JAKMIP3: variants seen among roughly 807,000 people sequenced by gnomAD.
The protein encoded by JAKMIP3 is Janus kinase and microtubule interacting protein 3.
A neutral mutation model predicts 118.5 loss-of-function variants in JAKMIP3; 58 were observed. That is an observed-to-expected ratio of 0.49 (90% CI 0.40 to 0.61). The LOEUF (loss-of-function observed/expected upper bound fraction) is 0.61. JAKMIP3 is among the 20% of genes least tolerant of loss of function. The probability of loss-of-function intolerance (pLI) is 0.00; values close to 1 mark genes in which losing one functional copy is unlikely to be tolerated. For missense variants in JAKMIP3, 950 were observed against 1,109.0 expected, an observed-to-expected ratio of 0.86 and a Z score of 2.04; for synonymous variants, 486 against 451.2, an observed-to-expected ratio of 1.08 and a Z score of -0.98.
At chr10:132,107,224 A>G (rs1290479678) in intron 2 of JAKMIP3, among the ~76,000 whole-genome samples, 1 of 152,164 alleles carries the variant, frequency 6.6e-6, no homozygotes, top group Non-Finnish European at 1.5e-5. Context: ...AAAACACCAC[A>G]TGTGGACATC....
intron 22 of JAKMIP3, 140 bp from the exon 23 acceptor site, chr10:132,167,807 ACCCCTC>A: frequency 2.5e-6 from 1 of 404,462 alleles, no homozygotes; most frequent in African/African-American, 2.7e-5. Flanking sequence ...TTCGGTCCTC[ACCCCTC>A]ACCCCTCGGC....
intron 1 of JAKMIP3, among the ~76,000 whole-genome samples, chr10:132,094,073 G>C (rs981680494): frequency 6.6e-6 from 1 of 151,844 alleles, no homozygotes; most frequent in Admixed American, 6.6e-5. Flanking sequence ...AAGTTGCTGG[G>C]ACTACAGGCT....
At position 132,044,679 on chromosome 10, in the gene JAKMIP3, G is replaced by T. The variant is rs1293667091; in HGVS notation, c.-138+7941G>T. On this transcript the variant is annotated intron_variant, in intron 1 of 23. Transcript: ENST00000657785. The surrounding 1 kb of genome is among the most constrained non-coding windows in gnomAD (Gnocchi z 5.3). ...GATGGAGGTTTTGTTTTAAATTGTG[G>T]CGAAATACACATACAAGTCACCATC... Among the ~76,000 whole-genome samples the T allele has an allele frequency of 6.6e-6, 1 of 152,042 alleles. No homozygotes were observed. Among genetic ancestry groups the T allele is most frequent in the African/African-American group, 2.4e-5 (1 of 41,386 alleles).
intron 19 of JAKMIP3, among the ~76,000 whole-genome samples, chr10:132,157,741 T>C (rs1052093321): frequency 2.6e-5 from 4 of 152,214 alleles, no homozygotes; most frequent in Non-Finnish European, 5.9e-5. Context: ...GTCAGAGCTC[T>C]TGATAAAAGA....
intron 1 of JAKMIP3, among the ~76,000 whole-genome samples, chr10:132,051,982 G>A (rs1378549546): frequency 6.6e-6 from 1 of 152,214 alleles, no homozygotes; most frequent in African/African-American, 2.4e-5. Context: ...AGTACTTTGG[G>A]AGGCAGAGGC....
rs1294550838 is a variant in JAKMIP3 at position 132,180,750 on chromosome 10, CGCGTGTGTGCGT to C, written c.*1104-1605_*1104-1594del. 0.023 allele frequency among the ~76,000 whole-genome samples: 295 copies of C among 12,688 alleles called. 59 individuals carry two copies. The East Asian group carries it at 0.25, about 11-fold the overall frequency. 8.3% of individuals were successfully genotyped at this position (12,688 alleles called of 152,430 possible). A position where few individuals can be genotyped will look rare whatever the true frequency, so the allele number is the denominator to read the frequency against. ...GTGTGCGTGTGTGCGTGCGTGCGCG[CGCGTGTGTGCGT>C]GTGTGTGCGTGTGTGTGTGTGCGCG... On this transcript the variant is annotated intron_variant, in intron 23 of 23. Transcript: ENST00000684848.
chr10:132,074,598 T>C (rs535269540), intron 1 of JAKMIP3, among the ~76,000 whole-genome samples: 1 of 152,352 alleles, frequency 6.6e-6, no homozygotes, highest in African/African-American at 2.4e-5. Flanking sequence ...GTCGTATGCA[T>C]AGTTTGCAGA....
Position 132,117,901 on chromosome 10 carries a change from G to A in JAKMIP3, c.633+327G>A, listed in dbSNP as rs960923714. On this transcript the variant is annotated intron_variant, in intron 3 of 23. Coordinates refer to ENST00000684848, the MANE Select transcript of JAKMIP3 (RefSeq NM_001323087.2). The surrounding 1 kb of genome is among the most constrained non-coding windows in gnomAD (Gnocchi z 8.6). ...GGCCACAGCAAGAAACCTAGAAATC[G>A]GCACTGCCCATCCACACCGCAGGGT... Among the ~76,000 whole-genome samples the A allele has an allele frequency of 5.9e-5, 9 of 152,118 alleles. No individual in the cohort carries two copies. Among genetic ancestry groups the A allele is most frequent in the Non-Finnish European group, 1.0e-4 (7 of 68,020 alleles).
chr10:132,096,457 C>T (rs553794663), intron 1 of JAKMIP3, among the ~76,000 whole-genome samples: 77 of 152,262 alleles, frequency 5.1e-4, no homozygotes, highest in African/African-American at 1.8e-3. Flanking sequence ...ACGGCTGTTT[C>T]CTTAACACGG....
At position 132,048,667 on chromosome 10, in the gene JAKMIP3, C is replaced by CTTTTCT. The variant is rs2038004850; in HGVS notation, c.-138+11933_-138+11934insCTTTTT. The stretch of plus-strand genomic sequence containing the variant: ...AATTCCAGGCTTGACTGTTTCTTTT[C>CTTTTCT]TTTTTTTTTTTTTTTGAGATGGAGT... On this transcript the variant is annotated intron_variant, in intron 1 of 23. Coordinates refer to the JAKMIP3 transcript ENST00000657785. Among the ~76,000 whole-genome samples, 12 of 129,774 alleles carry CTTTTCT rather than the reference C, an allele frequency of 9.2e-5. No individual in the cohort carries two copies. In the South Asian group the frequency reaches 3.0e-3, roughly 32 times the overall value. 85.1% of individuals were successfully genotyped at this position (129,774 alleles called of 152,430 possible). A position where few individuals can be genotyped will look rare whatever the true frequency, so the allele number is the denominator to read the frequency against.
At chr10:132,123,135 G>T (rs1003489786) in intron 3 of JAKMIP3, among the ~76,000 whole-genome samples, 1 of 152,184 alleles carries the variant, frequency 6.6e-6, no homozygotes, top group Non-Finnish European at 1.5e-5. Context: ...AAGGGGCGAG[G>T]CACTTTCCAC....
At chr10:132,095,693 T>C (rs1011250319) in intron 1 of JAKMIP3, among the ~76,000 whole-genome samples, 2 of 152,254 alleles carry the variant, frequency 1.3e-5, no homozygotes, top group Non-Finnish European at 2.9e-5. Flanking sequence ...ACACTTTTTC[T>C]CCATCTGAGT....
chr10:132,126,116 T>C (rs2049491126), intron 3 of JAKMIP3, among the ~76,000 whole-genome samples: 1 of 152,110 alleles, frequency 6.6e-6, no homozygotes, highest in Non-Finnish European at 1.5e-5. Flanking sequence ...TGTTTTCTCC[T>C]TTGCCTTAAT....
chr10:132,036,977 G>C (rs1026320406), intron 1 of JAKMIP3, among the ~76,000 whole-genome samples: 3 of 152,234 alleles, frequency 2.0e-5, no homozygotes, highest in Middle Eastern at 3.4e-3. Context: ...CACAGGCCTC[G>C]GCGCTGGCGT....
intron 1 of JAKMIP3, among the ~76,000 whole-genome samples, chr10:132,047,669 T>C (rs9419324): frequency 7.4e-5 from 4 of 53,928 alleles, no homozygotes; most frequent in Admixed American, 2.4e-4. Flanking sequence ...GAGCTGTGTG[T>C]CCCCACCCTC....
chr10:132,163,430 G>A lies in JAKMIP3; in HGVS notation c.2424+18G>A, dbSNP rs768541655. 75 of 1,577,946 alleles carry A rather than the reference G, an allele frequency of 4.8e-5. No homozygotes were observed. Among genetic ancestry groups the A allele is most frequent in the Non-Finnish European group, 5.6e-5 (65 of 1,169,840 alleles). ...CTCAGCAGGTGTGTGGCAGGCGGGG[G>A]CAGGGCTGGCGTGAAGACCTGGCCA... is the stretch of plus-strand genomic sequence containing the variant. On this transcript the variant is annotated intron_variant, in intron 20 of 23. Transcript: ENST00000684848.
chr10:132,139,499 T>C (rs962769845), intron 9 of JAKMIP3, among the ~76,000 whole-genome samples: 2 of 131,054 alleles, frequency 1.5e-5, no homozygotes, highest in African/African-American at 2.7e-5. Flanking sequence ...AGTATGTGAG[T>C]GTGTATGTGT....
chr10:132,067,940 C>CGTGTGGACTCTGGGTTTCT (rs2039142473), intron 1 of JAKMIP3, among the ~76,000 whole-genome samples: 16 of 137,758 alleles, frequency 1.2e-4, no homozygotes, highest in Admixed American at 3.0e-4. Context: ...TGTGGGCTTC[C>CGTGTGGACTCTGGGTTTCT]GTGTGGACTC....
At position 132,117,586 on chromosome 10, in the gene JAKMIP3, G is replaced by GGCAGGGGCGGGCGTGGGCGAGGGT. The variant is rs147938166; in HGVS notation, c.633+66_633+89dup. On this transcript the variant is annotated intron_variant, in intron 3 of 23. Coordinates refer to ENST00000684848, the MANE Select transcript of JAKMIP3 (RefSeq NM_001323087.2). The surrounding 1 kb of genome is among the most constrained non-coding windows in gnomAD (Gnocchi z 8.6). ...AGATCCGCAGGCTGGTACGTGGGCA[G>GGCAGGGGCGGGCGTGGGCGAGGGT]GCAGGGGCGGGCGTGGGCGAGGGTG... The GGCAGGGGCGGGCGTGGGCGAGGGT allele has an allele frequency of 1.4e-5, 21 of 1,503,632 alleles. No homozygotes were observed. The African/African-American group carries it at 1.9e-4, about 14-fold the overall frequency. The allele number at this position is 1,503,632 out of a possible 1,614,324, so 93.1% of individuals were successfully genotyped here. A position where few individuals can be genotyped will look rare whatever the true frequency, so the allele number is the denominator to read the frequency against.
Sources: gnomAD v4.1 joint callset for allele counts (sites outside exome capture counted in the v4.1 genomes callset) on GRCh38, gnomAD v4.1.1 for gene constraint, Gnocchi (gnomAD v3.1) non-coding constraint, MANE v1.5 for transcripts, NCBI Gene and HGNC (gene_info 2026-07-23, HGNC 2026-07-21) for gene names.